The following RANBP2 variants were observed in gnomAD, a reference collection of about 807,000 sequenced individuals.
RANBP2 encodes RAN binding protein 2.
A neutral mutation model predicts 303.6 loss-of-function variants in RANBP2; 57 were observed. The ratio of observed to expected loss-of-function variants is 0.19; its 90% confidence interval spans 0.15 to 0.23. The LOEUF (loss-of-function observed/expected upper bound fraction) is 0.23, where lower values mean the gene tolerates loss of function less well. Ranked by LOEUF, RANBP2 falls within the 10% of genes least tolerant of loss-of-function variation. RANBP2 has a pLI of 1.00. For missense variants in RANBP2, 3,138 were observed against 3,780.8 expected, an observed-to-expected ratio of 0.83 and a Z score of 4.46; for synonymous variants, 1,167 against 1,301.5, an observed-to-expected ratio of 0.90 and a Z score of 2.23.
chr2:109,135,551 C>G, the RANBP2 span, among the ~76,000 whole-genome samples: 2 of 152,214 alleles, frequency 1.3e-5, no homozygotes, highest in Non-Finnish European at 2.9e-5. Context: ...ATCTTCAAGT[C>G]TCTTATCACG....
the RANBP2 span, among the ~76,000 whole-genome samples, chr2:109,316,264 A>T: frequency 6.6e-6 from 1 of 152,268 alleles, no homozygotes; most frequent in South Asian, 2.1e-4. Flanking sequence ...CTGGGCTATC[A>T]GTGCTGTGGG....
chr2:109,520,039 C>T, the RANBP2 span, among the ~76,000 whole-genome samples: 1 of 152,204 alleles, frequency 6.6e-6, no homozygotes, highest in African/African-American at 2.4e-5. Flanking sequence ...TGCACGCACA[C>T]ACATGCTTGT....
chr2:109,565,846 A>G, the RANBP2 span: 2 of 1,613,986 alleles, frequency 1.2e-6, no homozygotes, highest in Non-Finnish European at 1.7e-6. Flanking sequence ...CACAACAGCA[A>G]ACGGCAACTG....
At chr2:109,546,089 G>A in the RANBP2 span, 1 of 1,603,702 alleles carries the variant, frequency 6.2e-7, no homozygotes, top group Non-Finnish European at 8.5e-7. Context: ...GCTGCCTGTT[G>A]CCAGAAAGGA....
chr2:108,763,167 A>T (rs1676856939), intron 19 of RANBP2, 70 bp from the exon 20 acceptor site: 1 of 1,502,694 alleles, frequency 6.7e-7, no homozygotes, highest in African/African-American at 1.4e-5. Context: ...GTTTGTGAGA[A>T]TTGGTTTGCA....
At chr2:109,718,302 C>A in the RANBP2 span, among the ~76,000 whole-genome samples, 1 of 152,126 alleles carries the variant, frequency 6.6e-6, no homozygotes, top group African/African-American at 2.4e-5. Context: ...TAATAACCAA[C>A]AAGTGGAAAT....
the RANBP2 span, among the ~76,000 whole-genome samples, chr2:109,286,546 G>C: frequency 6.6e-6 from 1 of 152,186 alleles, no homozygotes. Context: ...CCAGAGCCAG[G>C]GGTTTGCTCC....
chr2:108,826,691 TC>T, the RANBP2 span, among the ~76,000 whole-genome samples: 763 of 152,302 alleles, frequency 5.0e-3, 4 homozygotes, highest in South Asian at 0.021. Context: ...GTGTGAATCT[TC>T]CAACTTTGTC....
chr2:109,440,350 G>A, the RANBP2 span, among the ~76,000 whole-genome samples: 1 of 152,214 alleles, frequency 6.6e-6, no homozygotes, highest in Non-Finnish European at 1.5e-5. Flanking sequence ...ATACGGATAG[G>A]GTGCGGGAGC....
At chr2:109,029,140 A>T in the RANBP2 span, among the ~76,000 whole-genome samples, 1 of 151,982 alleles carries the variant, frequency 6.6e-6, no homozygotes, top group African/African-American at 2.4e-5. Flanking sequence ...AAAAATAAAT[A>T]AAATAAATAA....
chr2:109,099,539 G>C, the RANBP2 span, among the ~76,000 whole-genome samples: 1 of 152,136 alleles, frequency 6.6e-6, no homozygotes, highest in African/African-American at 2.4e-5. Context: ...CTCCCTTCCT[G>C]TCCTGGCCCA....
chr2:109,348,979 TC>T, the RANBP2 span, among the ~76,000 whole-genome samples: 2 of 152,222 alleles, frequency 1.3e-5, no homozygotes, highest in South Asian at 4.1e-4. Context: ...TTCTCTCTCC[TC>T]ACTCGTTCTG....
the RANBP2 span, among the ~76,000 whole-genome samples, chr2:108,815,620 C>T: frequency 6.6e-6 from 1 of 151,868 alleles, no homozygotes; most frequent in African/African-American, 2.4e-5. Flanking sequence ...CATGCACCAC[C>T]ATGCCCAGCT....
At chr2:109,110,319 A>G in the RANBP2 span, among the ~76,000 whole-genome samples, 1 of 152,172 alleles carries the variant, frequency 6.6e-6, no homozygotes, top group Non-Finnish European at 1.5e-5. Context: ...GGATGCTGGA[A>G]ATTACCAAGA....
chr2:108,751,725 T>C (rs1184971347), intron 11 of RANBP2, 22 bp downstream of exon 11: 2 of 1,610,150 alleles, frequency 1.2e-6, no homozygotes, highest in African/African-American at 1.3e-5. Flanking sequence ...AACAAAAATA[T>C]TGCTTTCACT....
the RANBP2 span, among the ~76,000 whole-genome samples, chr2:108,858,380 G>C: frequency 1.3e-5 from 2 of 152,072 alleles, no homozygotes; most frequent in Admixed American, 6.6e-5. Context: ...CACCAACGCT[G>C]TGCCCTTGTT....
chr2:109,119,293 A>G, the RANBP2 span, among the ~76,000 whole-genome samples: 144,062 of 152,276 alleles, frequency 0.95, 68,628 homozygotes, highest in Non-Finnish European at 1. Context: ...GGAAGGGACC[A>G]CCATCATCCT....
chr2:109,335,547 C>G, the RANBP2 span, among the ~76,000 whole-genome samples: 2 of 152,202 alleles, frequency 1.3e-5, no homozygotes, highest in Non-Finnish European at 2.9e-5. Context: ...TCACCCTATC[C>G]CCATCCCAGT....
chr2:109,369,099 C>T, the RANBP2 span, among the ~76,000 whole-genome samples: 2 of 152,000 alleles, frequency 1.3e-5, no homozygotes, highest in African/African-American at 4.8e-5. Context: ...AATCCCAGCA[C>T]TTTGGGAGGC....
Sources: gnomAD v4.1 joint callset for allele counts (sites outside exome capture counted in the v4.1 genomes callset) on GRCh38, gnomAD v4.1.1 for gene constraint, MANE v1.5 for transcripts, NCBI Gene and HGNC (gene_info 2026-07-23, HGNC 2026-07-21) for gene names.